MYO5B: variants seen among roughly 807,000 people sequenced by gnomAD.
The protein encoded by MYO5B is myosin VB.
MYO5B carries 143 observed loss-of-function variants against 229.3 expected under a neutral mutation model. The ratio of observed to expected loss-of-function variants is 0.62; its 90% CI spans 0.54 to 0.72. The LOEUF (loss-of-function observed/expected upper bound fraction) is 0.72, where lower values mean the gene tolerates loss of function less well. Among genes scored for constraint, MYO5B ranks in the 30% least tolerant of loss-of-function variants. The probability of loss-of-function intolerance (pLI) is 0.00; values close to 1 mark genes in which losing one functional copy is unlikely to be tolerated. For missense variants in MYO5B, 2,321 were observed against 2,331.0 expected, an observed-to-expected ratio of 1.00 and a Z score of 0.09; for synonymous variants, 918 against 885.2, an observed-to-expected ratio of 1.04 and a Z score of -0.66.
chr18:50,034,830 T>C (rs966508620), intron 4 of MYO5B, among the ~76,000 whole-genome samples: 4 of 152,208 alleles, frequency 2.6e-5, no homozygotes, highest in African/African-American at 7.2e-5. Flanking sequence ...CTACTTCTAA[T>C]GCATGTTCAT....
intron 16 of MYO5B, 23 bp downstream of exon 16, chr18:49,936,229 G>A (rs763814442): frequency 1.9e-6 from 3 of 1,554,852 alleles, no homozygotes; most frequent in Non-Finnish European, 2.6e-6. Flanking sequence ...GGCTGGACAG[G>A]CTAATGCCCA....
At chr18:50,000,367 T>C (rs2026032831) in intron 5 of MYO5B, among the ~76,000 whole-genome samples, 1 of 152,148 alleles carries the variant, frequency 6.6e-6, no homozygotes, top group Admixed American at 6.5e-5. Context: ...CAATTAGAGA[T>C]GGACTAGATG....
intron 1 of MYO5B, among the ~76,000 whole-genome samples, chr18:50,069,417 C>T (rs1332661334): frequency 6.6e-6 from 1 of 152,114 alleles, no homozygotes; most frequent in African/African-American, 2.4e-5. Context: ...CAAAATTTTC[C>T]CTTCCAAGTC....
intron 14 of MYO5B, among the ~76,000 whole-genome samples, chr18:49,946,879 G>T (rs193003479): frequency 1.3e-5 from 2 of 152,224 alleles, no homozygotes; most frequent in East Asian, 3.9e-4. Context: ...AAACTCAAAT[G>T]AACATAAGAG....
At chr18:50,008,269 T>C (rs542850900) in intron 4 of MYO5B, among the ~76,000 whole-genome samples, 1 of 152,254 alleles carries the variant, frequency 6.6e-6, no homozygotes, top group South Asian at 2.1e-4. Flanking sequence ...TGTACTAACA[T>C]TTTCCTCATC....
In MYO5B at chr18:49,847,273, G is replaced by A; in HGVS notation, c.4332C>T (p.Ala1444=). ...GCTCATGGCGCTTCCTCTCACTCTG[G>A]GCCAATGCCTGGGCAGCTGAGCAGG... The part of the protein sequence containing the change: ...AQDLEAAQAL[A]QSERKRHELN... The change falls in exon 33 of 40, where the codon GCC becomes GCT. Residue 1444 remains alanine, a synonymous_variant. Coordinates refer to ENST00000285039, the MANE Select transcript of MYO5B (RefSeq NM_001080467.3). 3.1e-6 allele frequency: 5 copies of A among 1,613,630 alleles called. No homozygotes were observed. Among genetic ancestry groups the A allele is most frequent in the Admixed American group, 1.7e-5 (1 of 60,014 alleles).
At chr18:50,123,486 G>A (rs1199662104) in intron 1 of MYO5B, among the ~76,000 whole-genome samples, 1 of 152,156 alleles carries the variant, frequency 6.6e-6, no homozygotes, top group Non-Finnish European at 1.5e-5. Flanking sequence ...CCCCAGCGAT[G>A]GAGGATAAGG....
chr18:49,978,182 C>A (rs1348990160), intron 9 of MYO5B, among the ~76,000 whole-genome samples: 1 of 152,174 alleles, frequency 6.6e-6, no homozygotes, highest in Non-Finnish European at 1.5e-5. Flanking sequence ...CCCTTTACCA[C>A]CTGCATCCTC....
chr18:50,104,283 T>TATATATATATATATATATATATATAG (rs2031714346), intron 1 of MYO5B, among the ~76,000 whole-genome samples: 1 of 144,400 alleles, frequency 6.9e-6, no homozygotes, highest in African/African-American at 2.6e-5. Context: ...TATATATATA[T>TATATATATATATATATATATATATAG]ATATATATCT....
At chr18:50,142,215 G>A (rs1409274923) in intron 1 of MYO5B, among the ~76,000 whole-genome samples, 1 of 152,194 alleles carries the variant, frequency 6.6e-6, no homozygotes, top group African/African-American at 2.4e-5. Flanking sequence ...CTGGCTGGGG[G>A]TTCTGGAATT....
Position 49,841,389 on chromosome 18 carries a change from A to G in MYO5B, c.4677T>C (p.Cys1559=). The change falls in exon 35 of 40, where the codon TGT becomes TGC. Residue 1559 remains cysteine (C), a synonymous_variant. Coordinates refer to ENST00000285039, the MANE Select transcript of MYO5B (RefSeq NM_001080467.3). The part of the protein sequence containing the change: ...WLSNTCRLLH[C]LKQYSGDEGF... ...CCTCATCCCCGCTGTACTGCTTCAG[A>G]CAGTGAAGAAGGCGGCAGGTGTTGG... 2 of 1,614,206 alleles carry G rather than the reference A, an allele frequency of 1.2e-6. No individual in the cohort carries two copies. The highest frequency in any genetic ancestry group is 1.7e-6 in the Non-Finnish European group (2 of 1,180,018).
intron 39 of MYO5B, among the ~76,000 whole-genome samples, chr18:49,827,733 G>C (rs1775253553): frequency 6.6e-6 from 1 of 151,922 alleles, no homozygotes; most frequent in African/African-American, 2.4e-5. Context: ...AGAAGGAAAA[G>C]AGCAAGAAGG....
At chr18:50,101,400 G>A (rs543155225) in intron 1 of MYO5B, among the ~76,000 whole-genome samples, 82 of 152,268 alleles carry the variant, frequency 5.4e-4, no homozygotes, top group Middle Eastern at 6.8e-3. Context: ...CATCTTCTCT[G>A]TAAGTCCTAG....
intron 1 of MYO5B, among the ~76,000 whole-genome samples, chr18:50,078,993 A>G (rs1431808015): frequency 1.3e-5 from 2 of 152,244 alleles, no homozygotes; most frequent in Non-Finnish European, 2.9e-5. Flanking sequence ...ATACTAAACT[A>G]TTCCATTTGC....
chr18:49,864,306 T>A lies in MYO5B; in HGVS notation c.3678A>T (p.Gln1226His), dbSNP rs2024369347. Residue 1226 changes from glutamine to histidine, a missense_variant, in exon 28 of 40, where the codon CAA becomes CAT. Physicochemically the swap from Gln to His is conservative, Grantham distance 24. Transcript: ENST00000285039. ...LNELRKAVAD[Q>H]ATQNNSSHGS... ...CGTGGCTGGAGTTATTCTGCGTGGC[T>A]TGGTCGGCCACGGCTTTCCTCAGCT... 6.2e-7 allele frequency: 1 copy of A among 1,614,068 alleles called. No homozygotes were observed. The highest frequency in any genetic ancestry group is 1.7e-5 in the Admixed American group (1 of 60,014).
intron 2 of MYO5B, among the ~76,000 whole-genome samples, chr18:50,043,289 TA>T (rs540090860): frequency 0.15 from 17,675 of 116,376 alleles, 1,523 homozygotes; most frequent in South Asian, 0.21. Flanking sequence ...TATATTTATA[TA>T]TTATATATAA....
chr18:50,191,903 A>G (rs545291340), intron 1 of MYO5B, among the ~76,000 whole-genome samples: 1 of 152,356 alleles, frequency 6.6e-6, no homozygotes, highest in East Asian at 1.9e-4. Context: ...AATTGAAGCA[A>G]GACCAAACAT....
At chr18:49,853,404 A>G (rs769122254) in intron 31 of MYO5B, 45 bp downstream of exon 31, 2 of 1,607,924 alleles carry the variant, frequency 1.2e-6, no homozygotes, top group Non-Finnish European at 1.7e-6. Flanking sequence ...TTGCTTCTAG[A>G]ACGTGACTTC....
At position 49,973,106 on chromosome 18, in the gene MYO5B, T is replaced by C. The variant is rs973023948; in HGVS notation, c.1322+1244A>G. ...CTTGAAACTTGTACAGCACGAAGCA[T>C]CCAAACCCTCAAATAGACCCTTCCA... On this transcript the variant is annotated intron_variant, in intron 10 of 39. Coordinates refer to ENST00000285039, the MANE Select transcript of MYO5B (RefSeq NM_001080467.3). Among the ~76,000 whole-genome samples, 5 of 152,094 alleles carry C rather than the reference T, an allele frequency of 3.3e-5. No homozygotes were observed. In the East Asian group the frequency reaches 9.6e-4, roughly 29 times the overall value.
Sources: allele counts gnomAD v4.1 joint callset (sites outside exome capture counted in the v4.1 genomes callset), GRCh38; gene constraint gnomAD v4.1.1; transcripts MANE v1.5; gene names NCBI Gene and HGNC (gene_info 2026-07-23, HGNC 2026-07-21).